The following SBNO1 variants were observed in gnomAD, a reference collection of about 807,000 sequenced individuals.
SBNO1 encodes protein strawberry notch homolog 1.
SBNO1 carries 23 observed loss-of-function variants against 173.6 expected under a neutral mutation model. The observed-to-expected ratio is 0.13, with a 90% CI of 0.10 to 0.19. SBNO1 has a LOEUF of 0.19. SBNO1 is among the 10% of genes least tolerant of loss of function. The probability of loss-of-function intolerance (pLI) is 1.00; values close to 1 mark genes in which losing one functional copy is unlikely to be tolerated. For missense variants in SBNO1, 1,238 were observed against 1,671.2 expected (o/e 0.74, Z 4.52); for synonymous variants, 632 against 571.5 (o/e 1.11, Z -1.51).
At position 123,319,750 on chromosome 12, in the gene SBNO1, C is replaced by T. The variant is rs1869739027; in HGVS notation, c.2799+150G>A. 5 of 669,180 alleles carry T rather than the reference C, an allele frequency of 7.5e-6. No homozygotes were observed. The South Asian group carries it at 8.0e-5, about 11-fold the overall frequency. The allele number at this position is 669,180 out of a possible 1,614,324, so 41.5% of individuals were successfully genotyped here. A position where few individuals can be genotyped will look rare whatever the true frequency, so the allele number is the denominator to read the frequency against. On this transcript the variant is annotated intron_variant, in intron 20 of 31. Transcript: ENST00000602398. The stretch of plus-strand genomic sequence containing the variant: ...AATGATAAAATAATAAAAACACGTA[C>T]AATATTCAGTATGTACAATTACTAA...
chr12:123,319,106 G>C (rs1037830306), intron 20 of SBNO1, among the ~76,000 whole-genome samples: 1 of 151,850 alleles, frequency 6.6e-6, no homozygotes. Context: ...TGGGACTACA[G>C]GCACATGCCA....
chr12:123,317,603 G>C (rs1393160831), intron 20 of SBNO1, among the ~76,000 whole-genome samples: 1 of 152,052 alleles, frequency 6.6e-6, no homozygotes, highest in Non-Finnish European at 1.5e-5. Context: ...TCATCCCCTT[G>C]TCTCCTCTCT....
chr12:123,334,552 AC>A (rs1871606311), intron 6 of SBNO1, among the ~76,000 whole-genome samples: 1 of 152,220 alleles, frequency 6.6e-6, no homozygotes, highest in South Asian at 2.1e-4. Flanking sequence ...TACTAAAAAT[AC>A]AAAAATTAGC....
intron 31 of SBNO1, 50 bp from the exon 32 acceptor site, chr12:123,296,100 C>T (rs763276348): frequency 4.1e-6 from 5 of 1,222,920 alleles, no homozygotes; most frequent in East Asian, 2.3e-5. Flanking sequence ...AGAAACCACA[C>T]TGTACAGCTT....
Position 123,295,792 on chromosome 12 carries a change from C to A in SBNO1, c.*116G>T. The stretch of plus-strand genomic sequence containing the variant: ...TTGTCCTTACTCCCAAAAAAACTAA[C>A]TAGAGAGCACAACTGAAAAAAATAT... On this transcript the variant is annotated 3_prime_UTR_variant, in exon 32 of 32. Coordinates refer to ENST00000602398, the MANE Select transcript of SBNO1 (RefSeq NM_001167856.3). The A allele has an allele frequency of 1.4e-6, 2 of 1,401,826 alleles. No individual in the cohort carries two copies. The highest frequency in any genetic ancestry group is 3.0e-5 in the South Asian group (2 of 67,280). 86.8% of individuals were successfully genotyped at this position (1,401,826 alleles called of 1,614,324 possible).
rs757416442 is a variant in SBNO1 at position 123,317,194 on chromosome 12, A to G, written c.2935+27T>C. ...CCCAATGATTCCTAGCTATCCATTA[A>G]GTGAAATCCAGTTTGTAGGAACTTA... On this transcript the variant is annotated intron_variant, in intron 21 of 31. Coordinates refer to ENST00000602398, the MANE Select transcript of SBNO1 (RefSeq NM_001167856.3). The G allele has an allele frequency of 1.7e-5, 28 of 1,612,038 alleles. No homozygotes were observed. In the South Asian group the frequency reaches 3.1e-4, roughly 18 times the overall value.
chr12:123,326,444 A>C (rs910574826), intron 13 of SBNO1, 110 bp from the exon 14 acceptor site: 6 of 582,348 alleles, frequency 1.0e-5, no homozygotes, highest in Non-Finnish European at 1.6e-5. Context: ...ATATTAATTT[A>C]ATAAATCATC....
intron 25 of SBNO1, 37 bp from the exon 26 acceptor site, chr12:123,309,893 ATAAT>A (rs751015965): frequency 6.6e-7 from 1 of 1,506,362 alleles, no homozygotes; most frequent in Non-Finnish European, 9.0e-7. Flanking sequence ...CATGCAAATG[ATAAT>A]TAAAAATTTT....
intron 1 of SBNO1, among the ~76,000 whole-genome samples, chr12:123,358,371 G>T (rs552233642): frequency 1.3e-5 from 2 of 152,252 alleles, no homozygotes; most frequent in African/African-American, 2.4e-5. Flanking sequence ...ATATGGGTGT[G>T]TTTTTTTCTT....
At chr12:123,359,553 T>TG (rs1428229069) in intron 1 of SBNO1, among the ~76,000 whole-genome samples, 1 of 23,238 alleles carries the variant, frequency 4.3e-5, no homozygotes, top group Non-Finnish European at 9.4e-5. Context: ...AGACTCCGTC[T>TG]CAAAAAAAAA....
At position 123,362,924 on chromosome 12, in the gene SBNO1, T is replaced by A. The variant is rs1343091298; in HGVS notation, c.-1+1777A>T. On this transcript the variant is annotated intron_variant, in intron 1 of 31. Coordinates refer to ENST00000602398, the MANE Select transcript of SBNO1 (RefSeq NM_001167856.3). The stretch of plus-strand genomic sequence containing the variant: ...AGACCCCCGCCTCTCAACAAAAAAA[T>A]TAAAAAAAAAAAAATTAGCTGCTGT... Among the ~76,000 whole-genome samples the A allele has an allele frequency of 4.1e-5, 6 of 146,618 alleles. No individual in the cohort carries two copies. The East Asian group carries it at 5.9e-4, about 14-fold the overall frequency.
Position 123,321,282 on chromosome 12 carries a change from T to G in SBNO1, c.2323+253A>C, listed in dbSNP as rs552848535. 2.0e-5 allele frequency among the ~76,000 whole-genome samples: 3 copies of G among 152,256 alleles called. No homozygotes were observed. In the East Asian group the frequency reaches 5.8e-4, roughly 29 times the overall value. On this transcript the variant is annotated intron_variant, in intron 17 of 31. Coordinates refer to ENST00000602398, the MANE Select transcript of SBNO1 (RefSeq NM_001167856.3). ...AACTGATAACTTATCACCACCTACATTGGTTCATCCATACACCATGGGGTA... is the reference window on the plus strand; with the variant it reads ...AACTGATAACTTATCACCACCTACAGTGGTTCATCCATACACCATGGGGTA...
chr12:123,297,988 T>A lies in SBNO1; in HGVS notation c.4029A>T (p.Gln1343His). The A allele has an allele frequency of 6.2e-7, 1 of 1,613,634 alleles. No homozygotes were observed. Among genetic ancestry groups the A allele is most frequent in the Non-Finnish European group, 8.5e-7 (1 of 1,179,888 alleles). Reference sequence around the variant, plus strand: ...AAAAATTAGACTCACCTACAATCCGTTGCCCATCTTCCGTTCTTAGCCGCA... The same window carrying A: ...AAAAATTAGACTCACCTACAATCCGATGCCCATCTTCCGTTCTTAGCCGCA... ...QIVRLRTEDG[Q>H]RIVGLIIPAN... is the part of the protein sequence containing the mutation. The change falls in exon 31 of 32, where the codon CAA (glutamine) becomes CAT (histidine). Residue 1343 changes from glutamine (Q) to histidine (H), a missense_variant. Coordinates refer to ENST00000602398, the MANE Select transcript of SBNO1 (RefSeq NM_001167856.3).
chr12:123,349,256 C>T (rs1455173206), intron 2 of SBNO1, among the ~76,000 whole-genome samples: 1 of 151,960 alleles, frequency 6.6e-6, no homozygotes. Context: ...CACACAACCA[C>T]GGCCACCTAA....
In SBNO1 at chr12:123,295,933, C is replaced by A; in HGVS notation, c.4157G>T (p.Ser1386Ile). The change falls in exon 32 of 32, where the codon AGC becomes ATC. Residue 1386 changes from serine (S) to isoleucine (I), a missense_variant. By Grantham distance (142) the Ser-to-Ile change is moderately radical (BLOSUM62 -2). This residue lies in a region of SBNO1 where 351 missense variants were observed against 420.3 expected (regional missense o/e 0.84). Transcript: ENST00000602398. Reference sequence around the variant, plus strand: ...TCATGCGTTGCTCAAGTTGGTGATGCTCTGAGGGTGATGCTGTTGCCATAG... The same window carrying A: ...TCATGCGTTGCTCAAGTTGGTGATGATCTGAGGGTGATGCTGTTGCCATAG... ...KQLWQQHHPQ[S>I]ITNLSNA 1 of 1,612,960 alleles carries A rather than the reference C, an allele frequency of 6.2e-7. No individual in the cohort carries two copies. Among genetic ancestry groups the A allele is most frequent in the Non-Finnish European group, 8.5e-7 (1 of 1,178,930 alleles).
intron 1 of SBNO1, among the ~76,000 whole-genome samples, chr12:123,357,149 A>G (rs1166754106): frequency 7.9e-5 from 12 of 152,170 alleles, no homozygotes; most frequent in Non-Finnish European, 2.9e-5. Context: ...TCCTTTATCT[A>G]AAAGAATGTA....
At chr12:123,304,535 C>T (rs1249487101) in intron 29 of SBNO1, 47 bp downstream of exon 29, 1 of 1,407,392 alleles carries the variant, frequency 7.1e-7, no homozygotes, top group East Asian at 2.5e-5. Flanking sequence ...ATTGCCTGGC[C>T]CAAAGTAAGT....
chr12:123,302,770 T>C (rs1404810362), intron 30 of SBNO1, 54 bp downstream of exon 30: 7 of 1,116,296 alleles, frequency 6.3e-6, no homozygotes, highest in Non-Finnish European at 9.6e-6. Flanking sequence ...TGAAGGTGTA[T>C]TTAAATCTCA....
intron 4 of SBNO1, among the ~76,000 whole-genome samples, chr12:123,342,207 A>G (rs7962723): frequency 0.95 from 144,709 of 151,940 alleles, 69,040 homozygotes; most frequent in Non-Finnish European, 0.96. Flanking sequence ...CTGAGATTGC[A>G]TCATTGAACT....
Sources: allele counts gnomAD v4.1 joint callset (sites outside exome capture counted in the v4.1 genomes callset), GRCh38; gene constraint gnomAD v4.1.1; regional missense constraint gnomAD v4.1.1; transcripts MANE v1.5; gene names NCBI Gene and HGNC (gene_info 2026-07-23, HGNC 2026-07-21).